Variants in MAGT1 observed in about 807,000 individuals in gnomAD.
MAGT1 encodes the protein dolichyl-diphosphooligosaccharide--protein glycosyltransferase subunit MAGT1.
In MAGT1, 4 loss-of-function variants were observed where a neutral mutation model predicts 28.4. The observed-to-expected ratio is 0.14, with a 90% CI of 0.07 to 0.32. MAGT1 has a LOEUF of 0.32. Among genes scored for constraint, MAGT1 ranks in the 10% least tolerant of loss-of-function variants. MAGT1 has a pLI of 1.00. For synonymous variants in MAGT1, 89 were observed against 89.7 expected (o/e 0.99, Z 0.04); for missense variants, 193 against 264.5 (o/e 0.73, Z 1.88).
rs34442156 is a variant in MAGT1 at position 77,864,069 on chromosome X, A to T, written c.391-6572T>A. ...ACACAATGGAATACTACTCCACCATAAAAAAGAATGAAATCATGTTACTTG... is the reference window on the plus strand; with the variant it reads ...ACACAATGGAATACTACTCCACCATTAAAAAGAATGAAATCATGTTACTTG... On this transcript the variant is annotated intron_variant, in intron 3 of 9. Transcript: ENST00000618282. Among the ~76,000 whole-genome samples the T allele has an allele frequency of 5.4e-5, 6 of 111,326 alleles. No homozygotes were observed. The East Asian group carries it at 1.7e-3, about 31-fold the overall frequency.
chrX:77,844,191 C>G (rs2076943540), intron 7 of MAGT1, among the ~76,000 whole-genome samples: 1 of 111,515 alleles, frequency 9.0e-6, no homozygotes, highest in South Asian at 3.7e-4. Flanking sequence ...GTGTATGTGT[C>G]CAGGAATTTA....
At chrX:77,870,182 T>C (rs1269671062) in intron 3 of MAGT1, among the ~76,000 whole-genome samples, 1 of 111,444 alleles carries the variant, frequency 9.0e-6, no homozygotes, top group African/African-American at 3.3e-5. Flanking sequence ...TTCTCACTTA[T>C]GAGTAGGAGT....
intron 3 of MAGT1, among the ~76,000 whole-genome samples, chrX:77,860,284 C>T (rs1263879819): frequency 2.7e-5 from 3 of 109,477 alleles, no homozygotes; most frequent in African/African-American, 3.3e-5. Flanking sequence ...GACAAGGTTT[C>T]GCCATGTTGG....
chrX:77,895,449 G>A (rs370329684), upstream of MAGT1: 21 of 1,199,285 alleles, frequency 1.8e-5, no homozygotes, highest in African/African-American at 3.0e-4. Context: ...ACTTTGCTCC[G>A]GCTAGGTCTG....
chrX:77,845,592 T>G (rs995697561), intron 7 of MAGT1, among the ~76,000 whole-genome samples: 5 of 111,875 alleles, frequency 4.5e-5, no homozygotes, highest in African/African-American at 1.6e-4. Flanking sequence ...TTCCTTTCCA[T>G]GTTTAGCGCT....
intron 7 of MAGT1, among the ~76,000 whole-genome samples, chrX:77,846,816 G>A (rs932323216): frequency 1.1e-4 from 12 of 111,469 alleles, no homozygotes; most frequent in Admixed American, 1.9e-4. Context: ...AGGAGTACCC[G>A]GCTGTGTGAG....
At chrX:77,838,327 T>C (rs1183581894) in intron 8 of MAGT1, among the ~76,000 whole-genome samples, 1 of 109,881 alleles carries the variant, frequency 9.1e-6, no homozygotes, top group Non-Finnish European at 1.9e-5. Flanking sequence ...AGTGGTGGCA[T>C]GAGCCTGTGG....
rs1422521344 is a variant in MAGT1 at position 77,855,693 on chromosome X, A to AT, written c.673-104dup. ...TGCATCTGTTTAGTTAAGACATAGA[A>AT]TTTTTTGCAGATAAATGATTTATTA... On this transcript the variant is annotated intron_variant, in intron 5 of 9. Transcript: ENST00000618282. The AT allele has an allele frequency of 1.9e-5, 11 of 567,323 alleles. No homozygotes were observed. The African/African-American group carries it at 2.5e-4, about 13-fold the overall frequency. The allele number at this position is 567,323 out of a possible 1,213,427, so 46.8% of individuals were successfully genotyped here.
At chrX:77,846,974 A>T (rs976555028) in intron 7 of MAGT1, among the ~76,000 whole-genome samples, 2 of 112,010 alleles carry the variant, frequency 1.8e-5, no homozygotes, top group Non-Finnish European at 3.8e-5. Flanking sequence ...AGACAGGGAC[A>T]TTTAAGTCTG....
At chrX:77,890,630 A>C (rs2077079645) in intron 1 of MAGT1, among the ~76,000 whole-genome samples, 1 of 112,233 alleles carries the variant, frequency 8.9e-6, no homozygotes, top group Admixed American at 9.5e-5. Flanking sequence ...CTGCCTTGTT[A>C]AACATCCCAA....
intron 1 of MAGT1, among the ~76,000 whole-genome samples, chrX:77,878,410 T>C (rs781996680): frequency 1.4e-4 from 13 of 91,706 alleles, no homozygotes; most frequent in African/African-American, 4.2e-4. Context: ...GAGGTAGAGG[T>C]TGCAGTGAGC....
intron 8 of MAGT1, among the ~76,000 whole-genome samples, chrX:77,838,356 C>G (rs2076925672): frequency 1.8e-5 from 2 of 109,597 alleles, no homozygotes; most frequent in Non-Finnish European, 3.8e-5. Context: ...ACCTGGGAAG[C>G]TGAGGCAGTA....
At chrX:77,878,504 A>T (rs2077042485) in intron 1 of MAGT1, among the ~76,000 whole-genome samples, 1 of 103,980 alleles carries the variant, frequency 9.6e-6, no homozygotes, top group African/African-American at 3.5e-5. Flanking sequence ...GAAAAAAAAA[A>T]AAGCCAGGCG....
At chrX:77,894,589 A>T (rs1269955376) in intron 1 of MAGT1, among the ~76,000 whole-genome samples, 1 of 112,119 alleles carries the variant, frequency 8.9e-6, no homozygotes, top group South Asian at 3.6e-4. Flanking sequence ...GTAGTCTTAA[A>T]GTCCTAAGAG....
intron 3 of MAGT1, among the ~76,000 whole-genome samples, chrX:77,867,021 C>T (rs888263164): frequency 3.0e-5 from 2 of 65,906 alleles, no homozygotes; most frequent in African/African-American, 7.0e-5. Flanking sequence ...TCACTGGCTT[C>T]CCCCCACCCA....
At chrX:77,883,029 G>T (rs1286866598) in intron 1 of MAGT1, among the ~76,000 whole-genome samples, 1 of 97,869 alleles carries the variant, frequency 1.0e-5, no homozygotes, top group African/African-American at 3.7e-5. Flanking sequence ...TTATATATTT[G>T]TTATTTATAT....
At chrX:77,851,904 C>T (rs375600745) in intron 7 of MAGT1, among the ~76,000 whole-genome samples, 285 of 110,015 alleles carry the variant, frequency 2.6e-3, no homozygotes, top group Non-Finnish European at 3.7e-3. Flanking sequence ...CCCGCCCCGC[C>T]GCCCGCCCCC....
At position 77,835,580 on chromosome X, in the gene MAGT1, C is replaced by A. The variant is rs73627474; in HGVS notation, c.902-4685G>T. 1.2e-3 allele frequency among the ~76,000 whole-genome samples: 138 copies of A among 111,599 alleles called. 1 individual carries two copies. Among genetic ancestry groups the A allele is most frequent in the African/African-American group, 4.4e-3 (134 of 30,754 alleles). On this transcript the variant is annotated intron_variant, in intron 8 of 9. Transcript: ENST00000618282. ...ACCACCATATGATCCAGCAATCCCACTGCTTGGGTATACACCCACAGAAAA... is the reference window on the plus strand; with the variant it reads ...ACCACCATATGATCCAGCAATCCCAATGCTTGGGTATACACCCACAGAAAA...
intron 7 of MAGT1, among the ~76,000 whole-genome samples, chrX:77,852,458 A>G (rs1320185317): frequency 8.9e-6 from 1 of 112,350 alleles, no homozygotes; most frequent in East Asian, 2.8e-4. Flanking sequence ...ACTGGGAAAG[A>G]CATACACAAA....
Sources: gnomAD v4.1 joint callset for allele counts (sites outside exome capture counted in the v4.1 genomes callset) on GRCh38, gnomAD v4.1.1 for gene constraint, MANE v1.5 for transcripts, NCBI Gene and HGNC (gene_info 2026-07-23, HGNC 2026-07-21) for gene names.